Variants in TASP1 observed in about 807,000 individuals in gnomAD.
The protein encoded by TASP1 is threonine aspartase 1.
TASP1 carries 16 observed loss-of-function variants against 56.6 expected under a neutral mutation model. The ratio of observed to expected loss-of-function variants is 0.28; its 90% CI spans 0.19 to 0.43. The LOEUF is 0.43. Ranked by LOEUF, TASP1 falls within the 20% of genes least tolerant of loss-of-function variation. The pLI is 1.00. For synonymous variants in TASP1, 179 were observed against 184.2 expected (o/e 0.97, Z 0.23); for missense variants, 393 against 511.6 (o/e 0.77, Z 2.24).
At chr20:13,321,169 T>A in the TASP1 span, among the ~76,000 whole-genome samples, 462 of 145,486 alleles carry the variant, frequency 3.2e-3, no homozygotes, top group African/African-American at 0.011. Flanking sequence ...GCCACTACAC[T>A]GCAGCCTAGG....
the TASP1 span, among the ~76,000 whole-genome samples, chr20:13,130,965 G>A: frequency 3.3e-5 from 5 of 152,140 alleles, no homozygotes; most frequent in Admixed American, 3.3e-4. Flanking sequence ...TCATAGGACT[G>A]GGAGCTGGGA....
the TASP1 span, among the ~76,000 whole-genome samples, chr20:13,196,909 C>G: frequency 0.25 from 38,147 of 152,036 alleles, 5,054 homozygotes; most frequent in African/African-American, 0.3. Context: ...AAGTAAATTA[C>G]CAATTGTTTA....
At chr20:13,210,812 T>C in the TASP1 span, among the ~76,000 whole-genome samples, 2 of 152,156 alleles carry the variant, frequency 1.3e-5, no homozygotes, top group Non-Finnish European at 2.9e-5. Context: ...CGAAATCTTC[T>C]ATTCATCAGT....
At chr20:13,624,943 T>C (rs112800566) in intron 3 of TASP1, among the ~76,000 whole-genome samples, 2,570 of 152,310 alleles carry the variant, frequency 0.017, 33 homozygotes, top group Non-Finnish European at 0.027. Context: ...AGAGATATGA[T>C]TGTGTGCCCA....
chr20:13,115,644 C>A, the TASP1 span, among the ~76,000 whole-genome samples: 1 of 152,064 alleles, frequency 6.6e-6, no homozygotes, highest in Admixed American at 6.6e-5. Flanking sequence ...AGCATGACAC[C>A]CACATGCCTC....
chr20:13,252,033 C>T, the TASP1 span, among the ~76,000 whole-genome samples: 1 of 152,180 alleles, frequency 6.6e-6, no homozygotes, highest in Non-Finnish European at 1.5e-5. Flanking sequence ...CTGGTTGCTA[C>T]ATGAGCTTTC....
chr20:13,345,875 T>G, the TASP1 span, among the ~76,000 whole-genome samples: 1 of 148,690 alleles, frequency 6.7e-6, no homozygotes, highest in African/African-American at 2.5e-5. Context: ...CACATACAGT[T>G]GGTCTCTTTG....
At chr20:13,356,692 A>C in the TASP1 span, among the ~76,000 whole-genome samples, 2 of 152,194 alleles carry the variant, frequency 1.3e-5, no homozygotes, top group African/African-American at 2.4e-5. Context: ...CAAGCTATTA[A>C]ATCATGAACT....
chr20:13,184,314 A>T, the TASP1 span, among the ~76,000 whole-genome samples: 1 of 152,166 alleles, frequency 6.6e-6, no homozygotes, highest in Admixed American at 6.5e-5. Context: ...AACAATGAAG[A>T]TGTGAAAAGT....
chr20:13,530,071 C>A (rs2045161633), intron 9 of TASP1, among the ~76,000 whole-genome samples: 1 of 152,150 alleles, frequency 6.6e-6, no homozygotes, highest in African/African-American at 2.4e-5. Flanking sequence ...TATTTTAGTT[C>A]TCTTTTCTAA....
intron 8 of TASP1, among the ~76,000 whole-genome samples, chr20:13,556,802 A>G (rs577576860): frequency 1.3e-5 from 2 of 152,332 alleles, no homozygotes; most frequent in Middle Eastern, 3.4e-3. Context: ...ATCTCCTCAT[A>G]GGGGTCTCCG....
chr20:13,583,027 A>G (rs2047180363), intron 5 of TASP1, among the ~76,000 whole-genome samples: 1 of 152,180 alleles, frequency 6.6e-6, no homozygotes, highest in Non-Finnish European at 1.5e-5. Flanking sequence ...TTTGAACACC[A>G]CGTTTTCTCC....
chr20:13,580,069 C>T (rs1406327733), intron 6 of TASP1, among the ~76,000 whole-genome samples: 7 of 152,152 alleles, frequency 4.6e-5, no homozygotes, highest in African/African-American at 1.7e-4. Flanking sequence ...GGCATGCTAA[C>T]AGTACGGTGG....
At chr20:13,550,166 A>G (rs1184634508) in intron 8 of TASP1, among the ~76,000 whole-genome samples, 1 of 151,390 alleles carries the variant, frequency 6.6e-6, no homozygotes, top group Non-Finnish European at 1.5e-5. Flanking sequence ...ACACACACAC[A>G]CACACACACA....
the TASP1 span, among the ~76,000 whole-genome samples, chr20:13,228,120 C>G: frequency 1.3e-5 from 2 of 151,696 alleles, no homozygotes; most frequent in Non-Finnish European, 2.9e-5. Context: ...TTACAGGTAC[C>G]CACCACCATG....
At chr20:13,606,536 G>A (rs1017441725) in intron 4 of TASP1, among the ~76,000 whole-genome samples, 3 of 152,160 alleles carry the variant, frequency 2.0e-5, no homozygotes, top group Non-Finnish European at 2.9e-5. Flanking sequence ...GGCTGGACGC[G>A]GTGGCTCACA....
the TASP1 span, among the ~76,000 whole-genome samples, chr20:13,160,316 T>C: frequency 5.3e-5 from 8 of 152,250 alleles, no homozygotes; most frequent in Non-Finnish European, 8.8e-5. Flanking sequence ...GACCACTCAG[T>C]AGATAGAAAT....
At chr20:13,149,292 G>A in the TASP1 span, among the ~76,000 whole-genome samples, 1 of 152,230 alleles carries the variant, frequency 6.6e-6, no homozygotes, top group Non-Finnish European at 1.5e-5. Flanking sequence ...AATCTCCAAA[G>A]CTTCCCTTTG....
At chr20:13,293,544 G>A in the TASP1 span, among the ~76,000 whole-genome samples, 4 of 151,830 alleles carry the variant, frequency 2.6e-5, no homozygotes, top group South Asian at 8.3e-4. Flanking sequence ...AGCTAATTTG[G>A]TGAACAAAAA....
Sources: allele counts gnomAD v4.1 joint callset (sites outside exome capture counted in the v4.1 genomes callset), GRCh38; gene constraint gnomAD v4.1.1; transcripts MANE v1.5; gene names NCBI Gene and HGNC (gene_info 2026-07-23, HGNC 2026-07-21).